NT5DC3: variants seen among roughly 807,000 people sequenced by gnomAD.
NT5DC3 encodes the protein 5'-nucleotidase domain-containing protein 3.
A neutral mutation model predicts 67.8 loss-of-function variants in NT5DC3; 42 were observed. The observed-to-expected ratio is 0.62, with a 90% CI of 0.48 to 0.80. The LOEUF (loss-of-function observed/expected upper bound fraction) is 0.80. Among genes scored for constraint, NT5DC3 ranks in the 30% least tolerant of loss-of-function variants. NT5DC3 has a pLI of 0.00. For synonymous variants in NT5DC3, 237 were observed against 255.6 expected (o/e 0.93, Z 0.69); for missense variants, 570 against 696.4 (o/e 0.82, Z 2.04).
At chr12:103,759,130 C>A in the NT5DC3 span, 3 of 1,613,842 alleles carry the variant, frequency 1.9e-6, no homozygotes, top group South Asian at 1.1e-5. Context: ...CCTTTTTTCT[C>A]AGACCTTGTC....
the NT5DC3 span, among the ~76,000 whole-genome samples, chr12:103,760,342 C>A: frequency 2.6e-5 from 4 of 152,134 alleles, no homozygotes; most frequent in Non-Finnish European, 5.9e-5. Flanking sequence ...TTCACTGCAA[C>A]CTCCCCCTCC....
At position 103,773,609 on chromosome 12, in the gene NT5DC3, T is replaced by C. The variant is rs1885246113; in HGVS notation, c.*4220A>G. ...TATTAAGAAGGCAAAATGTAGGTTCTCTATTAGTTGAACAGAACAATCAAG... is the reference window on the plus strand; with the variant it reads ...TATTAAGAAGGCAAAATGTAGGTTCCCTATTAGTTGAACAGAACAATCAAG... On this transcript the variant is annotated 3_prime_UTR_variant, in exon 14 of 14. Coordinates refer to ENST00000392876, the MANE Select transcript of NT5DC3 (RefSeq NM_001031701.3). 6.6e-6 allele frequency: 1 copy of C among 152,230 alleles called. No homozygotes were observed. The highest frequency in any genetic ancestry group is 1.5e-5 in the Non-Finnish European group (1 of 68,044). 9.4% of individuals were successfully genotyped at this position (152,230 alleles called of 1,614,324 possible).
chr12:103,837,620 A>C (rs1484411449), intron 1 of NT5DC3, among the ~76,000 whole-genome samples: 3 of 152,202 alleles, frequency 2.0e-5, no homozygotes, highest in African/African-American at 7.2e-5. Flanking sequence ...AAGTTCCACA[A>C]ATCTCTAGGG....
chr12:103,833,193 T>C (rs1441424763), intron 1 of NT5DC3, among the ~76,000 whole-genome samples: 2 of 152,188 alleles, frequency 1.3e-5, no homozygotes, highest in Admixed American at 1.3e-4. Context: ...ACTACCCCCG[T>C]CATTCATTTT....
At chr12:103,782,515 G>A (rs1013839995) in intron 12 of NT5DC3, among the ~76,000 whole-genome samples, 4 of 152,140 alleles carry the variant, frequency 2.6e-5, no homozygotes, top group South Asian at 4.1e-4. Context: ...GTGCAGAGGT[G>A]GGTAGCTGCA....
chr12:103,778,203 T>A, intron 13 of NT5DC3, 122 bp from the exon 14 acceptor site: 1 of 1,090,596 alleles, frequency 9.2e-7, no homozygotes, highest in Non-Finnish European at 1.3e-6. Flanking sequence ...TTGAGAAACA[T>A]GTTAGCCTAG....
chr12:103,766,463 C>T, downstream of NT5DC3: 1 of 1,077,736 alleles, frequency 9.3e-7, no homozygotes, highest in East Asian at 2.6e-5. Context: ...CCTCATCTCT[C>T]TGGCTGATCT....
chr12:103,781,858 C>T (rs901713935), intron 12 of NT5DC3, among the ~76,000 whole-genome samples: 1 of 152,214 alleles, frequency 6.6e-6, no homozygotes, highest in Non-Finnish European at 1.5e-5. Context: ...CTTCAGCCAT[C>T]TCCATCTCCA....
chr12:103,833,416 CTTACTA>C (rs1888013237), intron 1 of NT5DC3, among the ~76,000 whole-genome samples: 1 of 152,034 alleles, frequency 6.6e-6, no homozygotes, highest in Non-Finnish European at 1.5e-5. Context: ...GGAACTTATG[CTTACTA>C]TTACTATTCA....
intron 1 of NT5DC3, among the ~76,000 whole-genome samples, chr12:103,840,092 G>A (rs7971317): frequency 0.06 from 9,158 of 152,172 alleles, 464 homozygotes; most frequent in African/African-American, 0.14. Context: ...CCTAAATTCA[G>A]GCGTCACCTT....
intron 9 of NT5DC3, among the ~76,000 whole-genome samples, chr12:103,791,654 C>T (rs535054009): frequency 1.7e-4 from 26 of 152,278 alleles, no homozygotes; most frequent in South Asian, 6.2e-4. Flanking sequence ...CCCTGGGCCG[C>T]GGACCACAGA....
rs147262092 is a variant in NT5DC3 at position 103,826,970 on chromosome 12, G to A, written c.209-11849C>T. 3.9e-5 allele frequency among the ~76,000 whole-genome samples: 6 copies of A among 152,334 alleles called. No homozygotes were observed. In the South Asian group the frequency reaches 6.2e-4, roughly 16 times the overall value. On this transcript the variant is annotated intron_variant, in intron 1 of 13. Transcript: ENST00000392876. ...AATCAATAAATACATATGCCTGGGC[G>A]CGGTGGCTCATGCCTGTAATCCCAG...
In NT5DC3 at chr12:103,798,570, A is replaced by G. The variant is rs372490649; in HGVS notation, c.615+17T>C. Reference sequence around the variant, plus strand: ...AGGAAAAAGGCTGCTTTAAATGAATAAAGTGCTTCTCATTACCTTTCCGTA... The same window carrying G: ...AGGAAAAAGGCTGCTTTAAATGAATGAAGTGCTTCTCATTACCTTTCCGTA... On this transcript the variant is annotated intron_variant, in intron 5 of 13. Transcript: ENST00000392876. The G allele has an allele frequency of 3.2e-6, 5 of 1,575,368 alleles. No homozygotes were observed. The African/African-American group carries it at 4.1e-5, about 13-fold the overall frequency.
chr12:103,754,888 A>G, the NT5DC3 span, among the ~76,000 whole-genome samples: 1 of 151,874 alleles, frequency 6.6e-6, no homozygotes, highest in East Asian at 1.9e-4. Context: ...GGAGGTTGCA[A>G]TGAGCCAAGA....
chr12:103,766,277 CTT>C (rs372667733), downstream of NT5DC3: 1,703 of 1,614,142 alleles, frequency 1.1e-3, 21 homozygotes, highest in African/African-American at 0.019. Context: ...ACAACCCTCT[CTT>C]TTCCAGGACT....
rs957113266 is a variant in NT5DC3, at chr12:103,790,087, C to CT, written c.1020-1169dup. Among the ~76,000 whole-genome samples, 314 of 149,694 alleles carry CT rather than the reference C, an allele frequency of 2.1e-3. 1 individual carries two copies. The highest frequency in any genetic ancestry group is 3.4e-3 in the Middle Eastern group (1 of 292). On this transcript the variant is annotated intron_variant, in intron 9 of 13. Coordinates refer to ENST00000392876, the MANE Select transcript of NT5DC3 (RefSeq NM_001031701.3). ...ATGTTTTACAGTAATACAACATCAT[C>CT]TTTTTTTTTTCCCAAATACATTTTT...
At chr12:103,829,152 C>T (rs1887822740) in intron 1 of NT5DC3, among the ~76,000 whole-genome samples, 1 of 152,126 alleles carries the variant, frequency 6.6e-6, no homozygotes, top group Non-Finnish European at 1.5e-5. Flanking sequence ...TGAGAGTCAC[C>T]CATGTAGGTA....
chr12:103,770,192 A>G (rs1040301822), downstream of NT5DC3, among the ~76,000 whole-genome samples: 1 of 152,258 alleles, frequency 6.6e-6, no homozygotes, highest in African/African-American at 2.4e-5. Context: ...ATCTTTAAGG[A>G]AGTATGCTTA....
downstream of NT5DC3, chr12:103,765,888 T>C (rs1884917566): frequency 8.4e-6 from 3 of 356,476 alleles, no homozygotes; most frequent in South Asian, 4.3e-5. Flanking sequence ...GAGCCACCAC[T>C]GGTTCAAGAT....
Sources: gnomAD v4.1 joint callset for allele counts (sites outside exome capture counted in the v4.1 genomes callset) on GRCh38, gnomAD v4.1.1 for gene constraint, MANE v1.5 for transcripts, NCBI Gene and HGNC (gene_info 2026-07-23, HGNC 2026-07-21) for gene names.